WDPCP: variants seen among roughly 807,000 people sequenced by gnomAD.
WDPCP encodes the protein WD repeat-containing and planar cell polarity effector protein fritz homolog.
Under a neutral mutation model 93.1 loss-of-function variants are expected in WDPCP, and 71 were observed. That is an observed-to-expected ratio of 0.76 (90% CI 0.63 to 0.93). WDPCP has a LOEUF of 0.93. WDPCP is among the 40% of genes least tolerant of loss of function. The probability of loss-of-function intolerance (pLI) is 0.00; values close to 1 mark genes in which losing one functional copy is unlikely to be tolerated. For missense variants in WDPCP, 844 were observed against 887.4 expected, an observed-to-expected ratio of 0.95 and a Z score of 0.62; for synonymous variants, 315 against 315.0, an observed-to-expected ratio of 1.00 and a Z score of 0.00.
chr2:63,615,632 G>A (rs1709663948), intron 3 of WDPCP, among the ~76,000 whole-genome samples: 1 of 152,182 alleles, frequency 6.6e-6, no homozygotes, highest in African/African-American at 2.4e-5. Flanking sequence ...CCACTCTGCA[G>A]CAGAGAGCTG....
chr2:63,703,164 T>G (rs549147048), intron 2 of WDPCP, among the ~76,000 whole-genome samples: 2,576 of 152,324 alleles, frequency 0.017, 24 homozygotes, highest in African/African-American at 0.018. Context: ...CTATTGTGAA[T>G]AGTGCTGCAA....
chr2:63,411,393 G>A (rs1204221693), intron 9 of WDPCP, among the ~76,000 whole-genome samples: 1 of 152,040 alleles, frequency 6.6e-6, no homozygotes, highest in East Asian at 1.9e-4. Flanking sequence ...GTGCTAAGAG[G>A]AAAGTTCATA....
intron 14 of WDPCP, among the ~76,000 whole-genome samples, chr2:63,249,790 T>C (rs550025944): frequency 2.0e-5 from 3 of 152,316 alleles, no homozygotes; most frequent in African/African-American, 7.2e-5. Context: ...CAGTGAATGC[T>C]TGAAATAGCA....
At chr2:63,309,805 C>A (rs868302028) in intron 13 of WDPCP, among the ~76,000 whole-genome samples, 92 of 151,712 alleles carry the variant, frequency 6.1e-4, no homozygotes, top group Middle Eastern at 6.8e-3. Context: ...CAAAAAAAAA[C>A]CCCAGTTTCT....
At chr2:63,659,178 G>A (rs1575740816) in intron 2 of WDPCP, among the ~76,000 whole-genome samples, 1 of 152,106 alleles carries the variant, frequency 6.6e-6, no homozygotes, top group Non-Finnish European at 1.5e-5. Context: ...AAAGAGTTAA[G>A]TGAGCTCTTC....
chr2:63,292,408 A>AT (rs1263770320), intron 13 of WDPCP, among the ~76,000 whole-genome samples: 3 of 152,182 alleles, frequency 2.0e-5, no homozygotes, highest in African/African-American at 7.2e-5. Flanking sequence ...AAATTGTCTA[A>AT]TTTTTTGTTT....
At chr2:63,823,196 A>AC (rs1271030757) in intron 1 of WDPCP, among the ~76,000 whole-genome samples, 23 of 136,410 alleles carry the variant, frequency 1.7e-4, no homozygotes, top group Non-Finnish European at 4.9e-5. Context: ...AAAAAGTTTC[A>AC]CCCAAAAAAA....
chr2:63,464,992 T>A (rs1488377186), intron 6 of WDPCP, among the ~76,000 whole-genome samples: 3 of 152,098 alleles, frequency 2.0e-5, no homozygotes, highest in Non-Finnish European at 4.4e-5. Context: ...CTTAACACAC[T>A]GAACTGTACA....
At chr2:63,439,938 T>C in intron 6 of WDPCP, 67 bp from the exon 7 acceptor site, 1 of 1,180,094 alleles carries the variant, frequency 8.5e-7, no homozygotes. Context: ...TTAAAAAACC[T>C]CTCTCCAAAT....
At chr2:63,266,995 A>T (rs1682187744) in intron 13 of WDPCP, among the ~76,000 whole-genome samples, 1 of 152,128 alleles carries the variant, frequency 6.6e-6, no homozygotes, top group Non-Finnish European at 1.5e-5. Context: ...CCTAAAATCA[A>T]TATGGAACCA....
At chr2:63,487,270 A>G (rs1700626569) in intron 3 of WDPCP, among the ~76,000 whole-genome samples, 177 bp downstream of exon 3, 1 of 152,032 alleles carries the variant, frequency 6.6e-6, no homozygotes, top group African/African-American at 2.4e-5. Context: ...ATACTACTTT[A>G]TTTTATATAG....
chr2:63,249,531 C>G (rs988193812), intron 14 of WDPCP, among the ~76,000 whole-genome samples: 1 of 152,170 alleles, frequency 6.6e-6, no homozygotes, highest in African/African-American at 2.4e-5. Flanking sequence ...AATATAACCC[C>G]TCATGAGAAT....
intron 2 of WDPCP, among the ~76,000 whole-genome samples, chr2:63,804,726 G>C (rs1670739415): frequency 6.6e-6 from 1 of 151,736 alleles, no homozygotes; most frequent in Admixed American, 6.6e-5. Context: ...GTCTAGATTT[G>C]TCATATAAAG....
rs577594172 is a variant in WDPCP at position 63,333,195 on chromosome 2, C to T, written c.1749-19884G>A. 2.0e-5 allele frequency among the ~76,000 whole-genome samples: 3 copies of T among 152,240 alleles called. No individual in the cohort carries two copies. In the South Asian group the frequency reaches 6.2e-4, roughly 32 times the overall value. On this transcript the variant is annotated intron_variant, in intron 12 of 17. Coordinates refer to ENST00000272321, the MANE Select transcript of WDPCP (RefSeq NM_015910.7). ...AAGGGGTCTGGGGACTCATGCCCTA[C>T]AAACCAAAAATTCTCATCAGATGGG... is the stretch of plus-strand genomic sequence containing the variant.
At chr2:63,214,601 T>A (rs973904310) in intron 14 of WDPCP, among the ~76,000 whole-genome samples, 1 of 152,094 alleles carries the variant, frequency 6.6e-6, no homozygotes, top group African/African-American at 2.4e-5. Flanking sequence ...CTATTCAACA[T>A]AGTGTTGGAA....
At chr2:63,383,433 G>A (rs1692479747) in intron 10 of WDPCP, among the ~76,000 whole-genome samples, 1 of 152,142 alleles carries the variant, frequency 6.6e-6, no homozygotes, top group Non-Finnish European at 1.5e-5. Flanking sequence ...TATAATTGGT[G>A]CCCAGGGGCA....
At chr2:63,683,909 G>T (rs1052339967) in intron 2 of WDPCP, among the ~76,000 whole-genome samples, 4 of 151,166 alleles carry the variant, frequency 2.6e-5, no homozygotes, top group Non-Finnish European at 5.9e-5. Flanking sequence ...GGTTAATTCA[G>T]CAAGAGGATA....
chr2:63,824,552 A>AC (rs1671083282), intron 1 of WDPCP, among the ~76,000 whole-genome samples: 1 of 150,758 alleles, frequency 6.6e-6, no homozygotes, highest in African/African-American at 2.4e-5. Context: ...AAAAAAAAAA[A>AC]AAAAAAAAAA....
intron 6 of WDPCP, among the ~76,000 whole-genome samples, chr2:63,468,958 A>C (rs1699526688): frequency 6.6e-6 from 1 of 152,008 alleles, no homozygotes; most frequent in South Asian, 2.1e-4. Flanking sequence ...AACCCTTTTT[A>C]TAAGCCCCTA....
Sources: allele counts gnomAD v4.1 joint callset (sites outside exome capture counted in the v4.1 genomes callset), GRCh38; gene constraint gnomAD v4.1.1; transcripts MANE v1.5; gene names NCBI Gene and HGNC (gene_info 2026-07-23, HGNC 2026-07-21).